MIR2052HG: variants seen among roughly 807,000 people sequenced by gnomAD.
The protein encoded by MIR2052HG is MIR2052 host gene.
intron 4 of MIR2052HG, among the ~76,000 whole-genome samples, chr8:74,736,012 A>G (rs1809741118): frequency 1.3e-5 from 2 of 152,206 alleles, no homozygotes; most frequent in African/African-American, 4.8e-5. Context: ...AATTTTAAGT[A>G]ATTGAAAGTA....
intron 2 of MIR2052HG, among the ~76,000 whole-genome samples, chr8:74,668,359 G>T (rs1490742696): frequency 1.3e-5 from 2 of 152,124 alleles, no homozygotes; most frequent in Non-Finnish European, 2.9e-5. Context: ...TCTGCTCAGG[G>T]AAGCAAGCAG....
chr8:74,602,873 CTTT>C lies in MIR2052HG; in HGVS notation n.128+2969_128+2971del, dbSNP rs869275090. Among the ~76,000 whole-genome samples, 113 of 138,798 alleles carry C rather than the reference CTTT, an allele frequency of 8.1e-4. 1 individual carries two copies. The highest frequency in any genetic ancestry group is 3.0e-3 in the African/African-American group (109 of 36,718). 91.1% of individuals were successfully genotyped at this position (138,798 alleles called of 152,430 possible). ...TCTTTCTTTCTTTCTTTCTTTCTTT[CTTT>C]TTTCTATTCACAAAGAAAAAGCTCC... On this transcript the variant is annotated intron_variant and non_coding_transcript_variant, in intron 1 of 6. Coordinates refer to ENST00000523442, the Ensembl canonical transcript of MIR2052HG.
At position 74,740,110 on chromosome 8, in the gene MIR2052HG, T is replaced by G. The variant is rs1188825974; in HGVS notation, n.372-12331T>G. On this transcript the variant is annotated intron_variant and non_coding_transcript_variant, in intron 4 of 6. Coordinates refer to ENST00000523442, the Ensembl canonical transcript of MIR2052HG. ...GCTTTGACCATGACTTAAAAAATTA[T>G]TATTATTTCCTGAGATTATGGATTA... 2.0e-5 allele frequency among the ~76,000 whole-genome samples: 3 copies of G among 152,238 alleles called. No homozygotes were observed. In the East Asian group the frequency reaches 5.8e-4, roughly 29 times the overall value.
chr8:74,740,864 A>T (rs1416353899), intron 4 of MIR2052HG, among the ~76,000 whole-genome samples: 1 of 151,884 alleles, frequency 6.6e-6, no homozygotes, highest in Non-Finnish European at 1.5e-5. Context: ...TCCATTTATT[A>T]TTACAAAAAC....
At chr8:74,662,695 A>C (rs546477195) in intron 2 of MIR2052HG, among the ~76,000 whole-genome samples, 2 of 152,204 alleles carry the variant, frequency 1.3e-5, no homozygotes, top group African/African-American at 4.8e-5. Context: ...TTCTGTTTCC[A>C]CTTATAGGGT....
chr8:74,647,097 T>G (rs1295587743), intron 2 of MIR2052HG, among the ~76,000 whole-genome samples: 1 of 152,116 alleles, frequency 6.6e-6, no homozygotes, highest in Non-Finnish European at 1.5e-5. Flanking sequence ...ATTCACAAAT[T>G]TTCACCTTAA....
chr8:74,752,934 G>A (rs533789433), intron 5 of MIR2052HG, among the ~76,000 whole-genome samples: 73 of 152,268 alleles, frequency 4.8e-4, no homozygotes, highest in Non-Finnish European at 6.3e-4. Flanking sequence ...TCCTTAAAAC[G>A]GCAACTTTAT....
At chr8:74,669,500 T>C (rs1808967506) in intron 2 of MIR2052HG, among the ~76,000 whole-genome samples, 1 of 152,222 alleles carries the variant, frequency 6.6e-6, no homozygotes, top group East Asian at 1.9e-4. Context: ...AAGACTTAAA[T>C]GAGATCTTGT....
intron 2 of MIR2052HG, among the ~76,000 whole-genome samples, chr8:74,681,099 A>G (rs962221988): frequency 6.7e-6 from 1 of 149,950 alleles, no homozygotes; most frequent in Non-Finnish European, 1.5e-5. Flanking sequence ...GCATTGGGAG[A>G]TATACCTAAT....
intron 4 of MIR2052HG, among the ~76,000 whole-genome samples, chr8:74,728,819 C>T (rs771766108): frequency 6.6e-6 from 1 of 152,122 alleles, no homozygotes; most frequent in Non-Finnish European, 1.5e-5. Context: ...GCCATGCTGT[C>T]CTGGTGAAGT....
intron 2 of MIR2052HG, among the ~76,000 whole-genome samples, chr8:74,692,608 C>A (rs1001773961): frequency 3.3e-5 from 5 of 152,136 alleles, no homozygotes; most frequent in Admixed American, 2.0e-4. Context: ...TTTTCCCAGG[C>A]CATTTCTTAA....
chr8:74,726,318 A>T (rs1809635820), intron 4 of MIR2052HG, among the ~76,000 whole-genome samples: 1 of 152,216 alleles, frequency 6.6e-6, no homozygotes, highest in Non-Finnish European at 1.5e-5. Context: ...AAGCTTGCTC[A>T]CTATTGTTAA....
intron 2 of MIR2052HG, among the ~76,000 whole-genome samples, chr8:74,613,537 T>C (rs976395953): frequency 1.3e-5 from 2 of 152,010 alleles, no homozygotes; most frequent in Admixed American, 1.3e-4. Context: ...AAGGCTGGGG[T>C]ACAGTGGCAG....
intron 2 of MIR2052HG, among the ~76,000 whole-genome samples, chr8:74,667,874 G>A (rs1165148074): frequency 6.6e-6 from 1 of 152,102 alleles, no homozygotes; most frequent in Non-Finnish European, 1.5e-5. Context: ...CTGTATTAAG[G>A]GTTCCACATA....
At chr8:74,742,529 G>T (rs180976580) in intron 4 of MIR2052HG, among the ~76,000 whole-genome samples, 5 of 151,950 alleles carry the variant, frequency 3.3e-5, no homozygotes, top group African/African-American at 9.7e-5. Context: ...ATAATTAGGT[G>T]ACAAATGTAT....
intron 2 of MIR2052HG, among the ~76,000 whole-genome samples, chr8:74,677,525 G>T (rs139279313): frequency 6.6e-6 from 1 of 152,132 alleles, no homozygotes; most frequent in African/African-American, 2.4e-5. Flanking sequence ...AATTAGATTA[G>T]AAGTAAATTG....
At chr8:74,609,716 T>C (rs1414325667) in intron 1 of MIR2052HG, 2 of 149,356 alleles carry the variant, frequency 1.3e-5, no homozygotes, top group Non-Finnish European at 3.0e-5. Context: ...AATAAATGTA[T>C]TTTATTTATA....
intron 1 of MIR2052HG, chr8:74,603,584 A>T: frequency 6.5e-7 from 1 of 1,546,882 alleles, no homozygotes. Flanking sequence ...GTCATGGGAA[A>T]ATGAGACTGT....
chr8:74,714,479 C>T (rs1209089098), intron 4 of MIR2052HG, among the ~76,000 whole-genome samples: 1 of 152,126 alleles, frequency 6.6e-6, no homozygotes, highest in East Asian at 1.9e-4. Context: ...GTGTATCCAA[C>T]TCTATATTAA....
Sources: gnomAD v4.1 joint callset for allele counts (sites outside exome capture counted in the v4.1 genomes callset) on GRCh38, gnomAD v4.1.1 for gene constraint, MANE v1.5 for transcripts, NCBI Gene and HGNC (gene_info 2026-07-23, HGNC 2026-07-21) for gene names.